The following PSKH1 variants were observed in gnomAD, a reference collection of about 807,000 sequenced individuals.
PSKH1 encodes the protein protein serine kinase H1.
In PSKH1, 12 loss-of-function variants were observed where a neutral mutation model predicts 26.7. The observed-to-expected ratio is 0.45, with a 90% confidence interval of 0.29 to 0.73. PSKH1 has a LOEUF of 0.73. Ranked by LOEUF, PSKH1 falls within the 30% of genes least tolerant of loss-of-function variation. The probability of loss-of-function intolerance (pLI) is 0.11; values close to 1 mark genes in which losing one functional copy is unlikely to be tolerated. For missense variants in PSKH1, 431 were observed against 595.2 expected (o/e 0.72, Z 2.87); for synonymous variants, 213 against 234.3 (o/e 0.91, Z 0.83).
intron 1 of PSKH1, among the ~76,000 whole-genome samples, chr16:67,902,611 T>C (rs2058145155): frequency 6.6e-6 from 1 of 152,152 alleles, no homozygotes; most frequent in African/African-American, 2.4e-5. Flanking sequence ...TTTTCTTTTA[T>C]AAACCTTAGG....
At chr16:67,914,595 C>T (rs2058181856) in intron 2 of PSKH1, among the ~76,000 whole-genome samples, 1 of 152,140 alleles carries the variant, frequency 6.6e-6, no homozygotes, top group Non-Finnish European at 1.5e-5. Flanking sequence ...GCTGGGATTA[C>T]AGGAGTGTGC....
rs540622713 is a variant in PSKH1 at position 67,927,186 on chromosome 16, C to T, written c.958-139C>T. ...TTGTTCAGCCTGAGCCAGCGTTGGG[C>T]GGGGAGGCCCCAAGTGCTACATGAG... On this transcript the variant is annotated intron_variant, in intron 2 of 2. Transcript: ENST00000291041. This position sits in a 1 kb window ranked among gnomAD's most constrained non-coding sequence, Gnocchi z 5.5. The T allele has an allele frequency of 2.3e-5, 19 of 839,488 alleles. No homozygotes were observed. The highest frequency in any genetic ancestry group is 1.4e-4 in the South Asian group (8 of 58,470). 52.0% of individuals were successfully genotyped at this position (839,488 alleles called of 1,614,324 possible).
At chr16:67,917,810 A>G (rs765830935) in intron 2 of PSKH1, among the ~76,000 whole-genome samples, 2 of 152,212 alleles carry the variant, frequency 1.3e-5, no homozygotes, top group African/African-American at 2.4e-5. Flanking sequence ...TAGGGCAAAT[A>G]CAAGACTCTT....
chr16:67,908,173 G>A (rs781018668), intron 1 of PSKH1, among the ~76,000 whole-genome samples: 17 of 152,120 alleles, frequency 1.1e-4, no homozygotes, highest in Non-Finnish European at 1.6e-4. Context: ...CGTGAAGCTC[G>A]GGCCATCTTT....
chr16:67,915,210 T>A (rs35984441), intron 2 of PSKH1, among the ~76,000 whole-genome samples: 29,067 of 92,794 alleles, frequency 0.31, 2,972 homozygotes, highest in Middle Eastern at 0.46. Flanking sequence ...AGAGAGAGAG[T>A]GTGTGTGTGT....
Position 67,909,768 on chromosome 16 carries a change from T to C in PSKH1, c.957+62T>C, listed in dbSNP as rs772100772. The C allele has an allele frequency of 7.5e-6, 11 of 1,461,606 alleles. No homozygotes were observed. The highest frequency in any genetic ancestry group is 1.0e-5 in the Non-Finnish European group (11 of 1,068,802). The allele number at this position is 1,461,606 out of a possible 1,614,324, so 90.5% of individuals were successfully genotyped here. ...GGCACCTGCGGGGGCAGGTATATCC[T>C]GCAGCTCTCAGTCAGAGGTATGTCC... On this transcript the variant is annotated intron_variant, in intron 2 of 2. Transcript: ENST00000291041. This position sits in a 1 kb window ranked among gnomAD's most constrained non-coding sequence, Gnocchi z 7.8.
In PSKH1 at chr16:67,929,390, G is replaced by A. The variant is rs2058229911; in HGVS notation, c.*1748G>A. 1 of 156,838 alleles carries A rather than the reference G, an allele frequency of 6.4e-6. No individual in the cohort carries two copies. The highest frequency in any genetic ancestry group is 1.4e-5 in the Non-Finnish European group (1 of 70,616). The allele number at this position is 156,838 out of a possible 1,614,324, so 9.7% of individuals were successfully genotyped here. The stretch of plus-strand genomic sequence containing the variant: ...CAATGCCCCCTGGGCAGGAGGCAGT[G>A]GAGAACCAAGCCCCATGGCCTCAGA... On this transcript the variant is annotated 3_prime_UTR_variant, in exon 3 of 3. Transcript: ENST00000291041.
In PSKH1 at chr16:67,927,606, G is replaced by A; in HGVS notation, c.1239G>A (p.Glu413=). Residue 413 remains glutamate, a synonymous_variant, in exon 3 of 3, where the codon GAG becomes GAA. Transcript: ENST00000291041. This position sits in a 1 kb window ranked among gnomAD's most constrained non-coding sequence, Gnocchi z 5.5. ...SRRVRERELR[E]LNLRYQQQYN... ...GTGTGCGGGAACGGGAGCTGCGGGA[G>A]CTCAACCTGCGCTACCAGCAGCAAT... 1.2e-6 allele frequency: 2 copies of A among 1,610,326 alleles called. No homozygotes were observed. The highest frequency in any genetic ancestry group is 1.1e-5 in the South Asian group (1 of 91,078).
In PSKH1 at chr16:67,927,202, G is replaced by A. The variant is rs2099178946; in HGVS notation, c.958-123G>A. On this transcript the variant is annotated intron_variant, in intron 2 of 2. Transcript: ENST00000291041. This position sits in a 1 kb window ranked among gnomAD's most constrained non-coding sequence, Gnocchi z 5.5. ...AGCGTTGGGCGGGGAGGCCCCAAGTGCTACATGAGAGGAGGGGCAGCACCT... is the reference window on the plus strand; with the variant it reads ...AGCGTTGGGCGGGGAGGCCCCAAGTACTACATGAGAGGAGGGGCAGCACCT... 1 of 1,004,044 alleles carries A rather than the reference G, an allele frequency of 1.0e-6. No homozygotes were observed. The highest frequency in any genetic ancestry group is 1.5e-6 in the Non-Finnish European group (1 of 680,048). The allele number at this position is 1,004,044 out of a possible 1,614,324, so 62.2% of individuals were successfully genotyped here.
In PSKH1 at chr16:67,909,771, A is replaced by G; in HGVS notation, c.957+65A>G. The G allele has an allele frequency of 6.9e-7, 1 of 1,443,902 alleles. No homozygotes were observed. The highest frequency in any genetic ancestry group is 1.2e-5 in the South Asian group (1 of 83,056). The allele number at this position is 1,443,902 out of a possible 1,614,324, so 89.4% of individuals were successfully genotyped here. A position where few individuals can be genotyped will look rare whatever the true frequency, so the allele number is the denominator to read the frequency against. Reference sequence around the variant, plus strand: ...ACCTGCGGGGGCAGGTATATCCTGCAGCTCTCAGTCAGAGGTATGTCCTCA... The same window carrying G: ...ACCTGCGGGGGCAGGTATATCCTGCGGCTCTCAGTCAGAGGTATGTCCTCA... On this transcript the variant is annotated intron_variant, in intron 2 of 2. Coordinates refer to ENST00000291041, the MANE Select transcript of PSKH1 (RefSeq NM_006742.3). This position sits in a 1 kb window ranked among gnomAD's most constrained non-coding sequence, Gnocchi z 7.8.
intron 2 of PSKH1, among the ~76,000 whole-genome samples, chr16:67,922,208 G>A (rs2058204472): frequency 1.3e-5 from 2 of 152,056 alleles, no homozygotes; most frequent in Admixed American, 1.3e-4. Context: ...GTCTAATTCT[G>A]CTGATGCTCT....
At chr16:67,915,229 G>T (rs2058184568) in intron 2 of PSKH1, among the ~76,000 whole-genome samples, 1 of 152,030 alleles carries the variant, frequency 6.6e-6, no homozygotes, top group South Asian at 2.1e-4. Context: ...GTGTGTGTGT[G>T]TGTGTGTGTG....
Position 67,927,986 on chromosome 16 carries a change from A to C in PSKH1, c.*344A>C. 6.6e-6 allele frequency: 2 copies of C among 303,690 alleles called. No individual in the cohort carries two copies. Among genetic ancestry groups the C allele is most frequent in the Non-Finnish European group, 1.2e-5 (2 of 160,694 alleles). The allele number at this position is 303,690 out of a possible 1,614,324, so 18.8% of individuals were successfully genotyped here. ...TTGCCCTTTGACTTTTCCCCAATCA[A>C]AGGGAACTGCAGTGCTGGGTGGAGT... On this transcript the variant is annotated 3_prime_UTR_variant, in exon 3 of 3. Coordinates refer to ENST00000291041, the MANE Select transcript of PSKH1 (RefSeq NM_006742.3). This position sits in a 1 kb window ranked among gnomAD's most constrained non-coding sequence, Gnocchi z 5.5.
intron 2 of PSKH1, among the ~76,000 whole-genome samples, chr16:67,910,970 G>A (rs56406602): frequency 6.6e-6 from 1 of 152,232 alleles, no homozygotes; most frequent in African/African-American, 2.4e-5. Context: ...TGAGGTTTCA[G>A]CACTGTTGGG....
chr16:67,898,063 G>A (rs1404682547), intron 1 of PSKH1, among the ~76,000 whole-genome samples: 3 of 152,078 alleles, frequency 2.0e-5, no homozygotes, highest in Admixed American at 6.5e-5. Flanking sequence ...TGTTGGCCAG[G>A]CTGGTCTTGA....
At chr16:67,899,352 T>TTC (rs1389929915) in intron 1 of PSKH1, among the ~76,000 whole-genome samples, 2 of 150,450 alleles carry the variant, frequency 1.3e-5, no homozygotes, top group African/African-American at 4.9e-5. Context: ...TTTTTTTTTT[T>TTC]TGGAGACGAG....
chr16:67,905,550 A>C (rs1045684433), intron 1 of PSKH1, among the ~76,000 whole-genome samples: 24 of 152,194 alleles, frequency 1.6e-4, no homozygotes, highest in African/African-American at 5.5e-4. Flanking sequence ...CTTAACACTT[A>C]ACCATGTTAT....
intron 2 of PSKH1, among the ~76,000 whole-genome samples, chr16:67,911,033 G>A (rs1338503080): frequency 2.0e-5 from 3 of 152,214 alleles, no homozygotes; most frequent in African/African-American, 7.2e-5. Context: ...TAGGAAGGAT[G>A]CTGACTGGGT....
chr16:67,895,266 T>C (rs1244777731), intron 1 of PSKH1, among the ~76,000 whole-genome samples: 1 of 151,636 alleles, frequency 6.6e-6, no homozygotes, highest in African/African-American at 2.4e-5. Context: ...GGTCTCGCCA[T>C]GTTGCCGAGG....
Sources: allele counts gnomAD v4.1 joint callset (sites outside exome capture counted in the v4.1 genomes callset), GRCh38; gene constraint gnomAD v4.1.1; non-coding constraint Gnocchi (gnomAD v3.1); transcripts MANE v1.5; gene names NCBI Gene and HGNC (gene_info 2026-07-23, HGNC 2026-07-21).